Variants in SGCZ observed in about 807,000 individuals in gnomAD.
SGCZ encodes the protein sarcoglycan zeta.
Under a neutral mutation model 41.3 loss-of-function variants are expected in SGCZ, and 40 were observed. The ratio of observed to expected loss-of-function variants is 0.97; its 90% CI spans 0.75 to 1.26. The LOEUF (loss-of-function observed/expected upper bound fraction) is 1.26, where lower values mean the gene tolerates loss of function less well. Ranked by LOEUF, SGCZ falls within the 50% of genes most tolerant of loss-of-function variation. The pLI is 0.00. For missense variants in SGCZ, 552 were observed against 369.8 expected, an observed-to-expected ratio of 1.49 and a Z score of -4.04; for synonymous variants, 206 against 137.5, an observed-to-expected ratio of 1.50 and a Z score of -3.49.
intron 3 of SGCZ, among the ~76,000 whole-genome samples, chr8:14,239,901 C>CAAAAAAAAAAAAAAA (rs71209029): frequency 2.4e-5 from 1 of 41,374 alleles, no homozygotes; most frequent in African/African-American, 2.3e-4. Flanking sequence ...GACTCCGTCT[C>CAAAAAAAAAAAAAAA]AAAAAAAAAA....
chr8:15,090,055 A>G (rs1806099020), intron 1 of SGCZ, among the ~76,000 whole-genome samples: 1 of 152,222 alleles, frequency 6.6e-6, no homozygotes, highest in Non-Finnish European at 1.5e-5. Context: ...CTTGTATGTT[A>G]TCAGTCAACA....
chr8:14,739,181 T>G (rs1055735234), intron 1 of SGCZ, among the ~76,000 whole-genome samples: 17 of 152,074 alleles, frequency 1.1e-4, no homozygotes, highest in Non-Finnish European at 1.2e-4. Context: ...AATTTTTAAA[T>G]CTAGGTGGAA....
intron 2 of SGCZ, among the ~76,000 whole-genome samples, chr8:14,396,135 T>C (rs1012120181): frequency 6.6e-6 from 1 of 152,170 alleles, no homozygotes; most frequent in African/African-American, 2.4e-5. Flanking sequence ...TCATACCTTG[T>C]CAGTATTCTA....
At position 14,124,789 on chromosome 8, in the gene SGCZ, G is replaced by A. The variant is rs899891395; in HGVS notation, c.548-16554C>T. On this transcript the variant is annotated intron_variant, in intron 5 of 7. Coordinates refer to ENST00000382080, the MANE Select transcript of SGCZ (RefSeq NM_139167.4). Reference sequence around the variant, plus strand: ...AAATAAATCTGCTTGAAATAACCTAGCTACAAAATAAATTGGATCCTAAAA... The same window carrying A: ...AAATAAATCTGCTTGAAATAACCTAACTACAAAATAAATTGGATCCTAAAA... Among the ~76,000 whole-genome samples, 5 of 152,100 alleles carry A rather than the reference G, an allele frequency of 3.3e-5. No individual in the cohort carries two copies. In the South Asian group the frequency reaches 1.0e-3, roughly 32 times the overall value.
chr8:14,527,917 G>C (rs755001148), intron 2 of SGCZ, among the ~76,000 whole-genome samples: 1 of 151,950 alleles, frequency 6.6e-6, no homozygotes, highest in Non-Finnish European at 1.5e-5. Flanking sequence ...TGGGAGGTGG[G>C]GGAGTAATAC....
chr8:14,917,433 C>G (rs1168125736), intron 1 of SGCZ, among the ~76,000 whole-genome samples: 1 of 152,086 alleles, frequency 6.6e-6, no homozygotes, highest in Admixed American at 6.5e-5. Flanking sequence ...TAAATCAAAT[C>G]TCTTACAGTT....
chr8:14,160,870 T>A (rs529978752), intron 5 of SGCZ, among the ~76,000 whole-genome samples: 1 of 152,326 alleles, frequency 6.6e-6, no homozygotes, highest in East Asian at 1.9e-4. Flanking sequence ...TACAGACACA[T>A]CCCTTGTCTA....
chr8:14,339,287 C>T (rs1346916110), intron 2 of SGCZ, among the ~76,000 whole-genome samples: 2 of 152,116 alleles, frequency 1.3e-5, no homozygotes, highest in African/African-American at 2.4e-5. Flanking sequence ...TTTACACCTG[C>T]CTAAAAGCCA....
intron 1 of SGCZ, among the ~76,000 whole-genome samples, chr8:15,165,582 A>G (rs1375883870): frequency 6.6e-6 from 1 of 152,216 alleles, no homozygotes; most frequent in African/African-American, 2.4e-5. Flanking sequence ...TTAGCACACA[A>G]TTAAAGCAAC....
At chr8:14,231,555 G>C (rs1025221270) in intron 4 of SGCZ, among the ~76,000 whole-genome samples, 1 of 146,730 alleles carries the variant, frequency 6.8e-6, no homozygotes, top group East Asian at 1.9e-4. Flanking sequence ...GTTAAGTCTA[G>C]ATTTTTTTTT....
chr8:15,110,761 G>A (rs1449780768), intron 1 of SGCZ, among the ~76,000 whole-genome samples: 1 of 152,142 alleles, frequency 6.6e-6, no homozygotes, highest in Non-Finnish European at 1.5e-5. Flanking sequence ...CTGAGGTCAG[G>A]AGTTCGAGAC....
chr8:14,929,099 C>T (rs986499475), intron 1 of SGCZ, among the ~76,000 whole-genome samples: 3 of 152,128 alleles, frequency 2.0e-5, no homozygotes, highest in African/African-American at 7.2e-5. Flanking sequence ...TCAAGTGATT[C>T]TCCTGCCTCA....
chr8:14,219,640 G>A (rs1364509126), intron 4 of SGCZ, among the ~76,000 whole-genome samples: 3 of 152,072 alleles, frequency 2.0e-5, no homozygotes, highest in South Asian at 2.1e-4. Flanking sequence ...CCAACTTTTC[G>A]GGAAGCTGAG....
chr8:14,384,365 C>G (rs368623591), intron 2 of SGCZ, among the ~76,000 whole-genome samples: 19 of 152,052 alleles, frequency 1.2e-4, no homozygotes, highest in African/African-American at 4.6e-4. Flanking sequence ...TTGGAACCAA[C>G]CCAAATGTCG....
chr8:14,782,870 A>T, intron 1 of SGCZ, among the ~76,000 whole-genome samples: 1 of 152,210 alleles, frequency 6.6e-6, no homozygotes, highest in East Asian at 1.9e-4. Context: ...CATATGCTTC[A>T]ACAGCCAAAT....
intron 1 of SGCZ, among the ~76,000 whole-genome samples, chr8:14,920,873 G>A (rs1316400896): frequency 1.3e-5 from 2 of 152,164 alleles, no homozygotes; most frequent in Middle Eastern, 3.2e-3. Context: ...GTGGCACTGT[G>A]CTGGGCACCG....
chr8:14,138,516 A>G (rs1803270869), intron 5 of SGCZ, among the ~76,000 whole-genome samples: 1 of 101,020 alleles, frequency 9.9e-6, no homozygotes, highest in Non-Finnish European at 1.8e-5. Context: ...GGAAAACAAA[A>G]AAAAAAAAAG....
intron 1 of SGCZ, among the ~76,000 whole-genome samples, chr8:14,630,252 T>G (rs1407954931): frequency 6.6e-6 from 1 of 151,692 alleles, no homozygotes; most frequent in East Asian, 1.9e-4. Context: ...TTTTTTTGGT[T>G]TCTCTAGTGG....
At chr8:14,372,891 T>C (rs1342505796) in intron 2 of SGCZ, among the ~76,000 whole-genome samples, 1 of 152,146 alleles carries the variant, frequency 6.6e-6, no homozygotes, top group Non-Finnish European at 1.5e-5. Context: ...TAGTTAATTG[T>C]AAAGGTTTTT....
Sources: allele counts gnomAD v4.1 joint callset (sites outside exome capture counted in the v4.1 genomes callset), GRCh38; gene constraint gnomAD v4.1.1; transcripts MANE v1.5; gene names NCBI Gene and HGNC (gene_info 2026-07-23, HGNC 2026-07-21).